Variants in ULK4 observed in about 807,000 individuals in gnomAD.
ULK4 encodes inactive serine/threonine-protein kinase ULK4.
In ULK4, 133 loss-of-function variants were observed where a neutral mutation model predicts 160.6. The ratio of observed to expected loss-of-function variants is 0.83; its 90% CI spans 0.72 to 0.96. ULK4 has a LOEUF of 0.96. ULK4 is among the 40% of genes least tolerant of loss of function. ULK4 has a pLI of 0.00. For missense variants in ULK4, 1,580 were observed against 1,499.5 expected (o/e 1.05, Z -0.89); for synonymous variants, 534 against 539.8 (o/e 0.99, Z 0.15).
At chr3:41,929,403 A>T (rs7620421) in intron 5 of ULK4, among the ~76,000 whole-genome samples, 4 of 152,114 alleles carry the variant, frequency 2.6e-5, no homozygotes, top group Non-Finnish European at 1.5e-5. Flanking sequence ...TGGACAAAAA[A>T]GGAAAGCATT....
At chr3:41,460,834 A>G (rs2083665818) in intron 33 of ULK4, among the ~76,000 whole-genome samples, 1 of 152,142 alleles carries the variant, frequency 6.6e-6, no homozygotes, top group Admixed American at 6.5e-5. Context: ...AAGTCTCACA[A>G]CCACCCCGCA....
At chr3:41,700,689 A>T (rs2036644102) in intron 27 of ULK4, among the ~76,000 whole-genome samples, 1 of 152,224 alleles carries the variant, frequency 6.6e-6, no homozygotes, top group Admixed American at 6.5e-5. Flanking sequence ...AACAATACTC[A>T]GGCCTCCAAG....
chr3:41,542,938 T>A (rs1315176275), intron 32 of ULK4, among the ~76,000 whole-genome samples: 1 of 152,106 alleles, frequency 6.6e-6, no homozygotes, highest in African/African-American at 2.4e-5. Context: ...TTCCCCAATC[T>A]TCTATGGACA....
intron 34 of ULK4, among the ~76,000 whole-genome samples, chr3:41,406,125 AT>A (rs755098994): frequency 6.6e-6 from 1 of 152,098 alleles, no homozygotes; most frequent in African/African-American, 2.4e-5. Flanking sequence ...TCTTTAATCC[AT>A]TTTCAGCTAA....
At chr3:41,469,108 C>T (rs1236561728) in intron 32 of ULK4, among the ~76,000 whole-genome samples, 1 of 152,140 alleles carries the variant, frequency 6.6e-6, no homozygotes, top group African/African-American at 2.4e-5. Flanking sequence ...GCCCCAAAGC[C>T]TCACATCCAG....
chr3:41,636,422 T>C (rs2033951515), intron 30 of ULK4, among the ~76,000 whole-genome samples: 1 of 151,836 alleles, frequency 6.6e-6, no homozygotes, highest in Non-Finnish European at 1.5e-5. Context: ...AAGTCCCAGC[T>C]ACTTGGGAGG....
chr3:41,763,589 T>G (rs1327335009), intron 21 of ULK4, among the ~76,000 whole-genome samples: 2 of 152,236 alleles, frequency 1.3e-5, no homozygotes, highest in African/African-American at 4.8e-5. Context: ...TAGAAACATT[T>G]ACATATCCAT....
chr3:41,299,253 T>C (rs919705225), intron 35 of ULK4, among the ~76,000 whole-genome samples: 2 of 152,146 alleles, frequency 1.3e-5, no homozygotes, highest in Admixed American at 6.5e-5. Context: ...GGCCCAGTCG[T>C]CCCAGTTAAG....
At chr3:41,481,511 T>TG (rs2084319104) in intron 32 of ULK4, among the ~76,000 whole-genome samples, 1 of 152,212 alleles carries the variant, frequency 6.6e-6, no homozygotes, top group East Asian at 1.9e-4. Context: ...AGGAATGTCC[T>TG]GATATCCCAC....
At chr3:41,732,642 AAT>A (rs1353771346) in intron 22 of ULK4, among the ~76,000 whole-genome samples, 1 of 152,194 alleles carries the variant, frequency 6.6e-6, no homozygotes, top group Non-Finnish European at 1.5e-5. Flanking sequence ...AAAATAATTC[AAT>A]ATATCAAAGG....
chr3:41,861,435 T>A (rs1045907371), intron 17 of ULK4, among the ~76,000 whole-genome samples: 12 of 152,242 alleles, frequency 7.9e-5, no homozygotes, highest in African/African-American at 2.9e-4. Context: ...GGATAAAAGT[T>A]ATTTTCCTTC....
At chr3:41,379,790 C>A (rs1205750549) in intron 35 of ULK4, among the ~76,000 whole-genome samples, 1 of 152,142 alleles carries the variant, frequency 6.6e-6, no homozygotes, top group Non-Finnish European at 1.5e-5. Flanking sequence ...TACTATGATG[C>A]TTGATTTTAA....
intron 30 of ULK4, among the ~76,000 whole-genome samples, chr3:41,633,027 T>G (rs553771833): frequency 5.9e-5 from 9 of 152,298 alleles, no homozygotes; most frequent in East Asian, 5.8e-4. Flanking sequence ...AACAGGATGG[T>G]CCATTAAAGG....
chr3:41,705,367 T>C (rs2036839848), intron 25 of ULK4, 62 bp from the exon 26 acceptor site: 5 of 1,357,452 alleles, frequency 3.7e-6, no homozygotes, highest in Non-Finnish European at 4.1e-6. Context: ...AAAATATAGG[T>C]AGTTTACATT....
chr3:41,887,115 T>C (rs963709302), intron 16 of ULK4, among the ~76,000 whole-genome samples: 1 of 152,220 alleles, frequency 6.6e-6, no homozygotes, highest in African/African-American at 2.4e-5. Flanking sequence ...TATAGGATGG[T>C]GTCTAAGACT....
At chr3:41,803,037 T>C (rs1266827940) in intron 19 of ULK4, among the ~76,000 whole-genome samples, 1 of 151,972 alleles carries the variant, frequency 6.6e-6, no homozygotes, top group Middle Eastern at 3.2e-3. Context: ...TGGTGGCACG[T>C]GCTTATAATC....
intron 34 of ULK4, among the ~76,000 whole-genome samples, chr3:41,440,170 A>G (rs1478704052): frequency 6.6e-6 from 1 of 152,168 alleles, no homozygotes; most frequent in Non-Finnish European, 1.5e-5. Context: ...CTTCTTTTCC[A>G]ATCTGGATGA....
At chr3:41,371,493 C>T (rs1462314220) in intron 35 of ULK4, among the ~76,000 whole-genome samples, 1 of 152,110 alleles carries the variant, frequency 6.6e-6, no homozygotes, top group Non-Finnish European at 1.5e-5. Context: ...CTGGTGATAC[C>T]CAGGCAAACA....
chr3:41,884,977 C>G (rs1697668689), intron 16 of ULK4, among the ~76,000 whole-genome samples: 1 of 152,188 alleles, frequency 6.6e-6, no homozygotes, highest in South Asian at 2.1e-4. Flanking sequence ...CACCTCAACC[C>G]CCCCAGCTAG....
Sources: gnomAD v4.1 joint callset for allele counts (sites outside exome capture counted in the v4.1 genomes callset) on GRCh38, gnomAD v4.1.1 for gene constraint, MANE v1.5 for transcripts, NCBI Gene and HGNC (gene_info 2026-07-23, HGNC 2026-07-21) for gene names.